The following PRKCH variants were observed in gnomAD, a reference collection of about 807,000 sequenced individuals.
PRKCH encodes protein kinase C eta type.
PRKCH carries 28 observed loss-of-function variants against 82.5 expected under a neutral mutation model. The ratio of observed to expected loss-of-function variants is 0.34; its 90% CI spans 0.25 to 0.47. PRKCH has a LOEUF of 0.47. Among genes scored for constraint, PRKCH ranks in the 20% least tolerant of loss-of-function variants. The probability of loss-of-function intolerance (pLI) is 1.00; values close to 1 mark genes in which losing one functional copy is unlikely to be tolerated. For missense variants in PRKCH, 705 were observed against 881.8 expected (o/e 0.80, Z 2.54); for synonymous variants, 322 against 327.4 (o/e 0.98, Z 0.18).
intron 2 of PRKCH, among the ~76,000 whole-genome samples, chr14:61,432,851 G>T (rs1883472933): frequency 6.6e-6 from 1 of 151,350 alleles, no homozygotes; most frequent in Non-Finnish European, 1.5e-5. Flanking sequence ...TGAGATAATA[G>T]GCGTGAGCCA....
intron 1 of PRKCH, among the ~76,000 whole-genome samples, chr14:61,200,726 G>A (rs2044474924): frequency 1.3e-5 from 2 of 152,108 alleles, no homozygotes; most frequent in Admixed American, 1.3e-4. Flanking sequence ...GAGAGAGAGA[G>A]AGACTATATT....
At chr14:61,333,765 A>G (rs927889801) in intron 1 of PRKCH, among the ~76,000 whole-genome samples, 3 of 152,156 alleles carry the variant, frequency 2.0e-5, no homozygotes, top group Non-Finnish European at 4.4e-5. Flanking sequence ...GTTAATATAA[A>G]CTTTTCCCTT....
At chr14:61,278,397 T>C (rs2045223328) in intron 1 of PRKCH, 1 of 152,236 alleles carries the variant, frequency 6.6e-6, no homozygotes, top group African/African-American at 2.4e-5. Context: ...ATAGAATCTC[T>C]CGAATCAGGA....
At chr14:61,528,433 A>G (rs1034049309) in intron 10 of PRKCH, among the ~76,000 whole-genome samples, 8 of 152,170 alleles carry the variant, frequency 5.3e-5, no homozygotes, top group African/African-American at 1.7e-4. Flanking sequence ...AACTCAAGCA[A>G]TCTGCCTGCC....
chr14:61,331,133 A>C (rs1359494499), intron 1 of PRKCH, among the ~76,000 whole-genome samples: 1 of 152,026 alleles, frequency 6.6e-6, no homozygotes, highest in African/African-American at 2.4e-5. Context: ...TATCTATCTA[A>C]TCTATATCTA....
chr14:61,502,071 T>TTTC (rs1886939711), intron 10 of PRKCH, among the ~76,000 whole-genome samples: 1 of 140,180 alleles, frequency 7.1e-6, no homozygotes, highest in African/African-American at 2.6e-5. Context: ...TTTTCTTTTT[T>TTTC]TTTTTTTTTT....
rs73314604 is a variant in PRKCH, at chr14:61,386,551, A to G, written c.364-4674A>G. On this transcript the variant is annotated intron_variant, in intron 1 of 13. Transcript: ENST00000332981. ...AGGAGCTGGGCTTCTGGCGTGGCCT[A>G]CTGGGTAAATACAGGGCTCAGGAGT... 1.8e-3 allele frequency among the ~76,000 whole-genome samples: 277 copies of G among 152,266 alleles called. 1 individual carries two copies. The highest frequency in any genetic ancestry group is 6.4e-3 in the African/African-American group (267 of 41,552).
At chr14:61,198,806 T>G (rs2140037071) in intron 1 of PRKCH, among the ~76,000 whole-genome samples, 1 of 152,284 alleles carries the variant, frequency 6.6e-6, no homozygotes, top group South Asian at 2.1e-4. Context: ...ATGGGCAGGA[T>G]GTAAGGAAAC....
At chr14:61,451,902 T>G (rs1319058764) in intron 6 of PRKCH, among the ~76,000 whole-genome samples, 1 of 152,234 alleles carries the variant, frequency 6.6e-6, no homozygotes, top group South Asian at 2.1e-4. Context: ...CTTCTATCTC[T>G]GTAGAACACT....
chr14:61,490,113 C>A (rs1460740087), intron 10 of PRKCH, among the ~76,000 whole-genome samples: 2 of 152,168 alleles, frequency 1.3e-5, no homozygotes, highest in African/African-American at 4.8e-5. Flanking sequence ...CAGCTGTTGG[C>A]ATGCTGGGTG....
rs2140091827 is a variant in PRKCH at position 61,280,155 on chromosome 14, G to A, written c.-19+92487G>A. The A allele has an allele frequency of 1.2e-6, 2 of 1,614,082 alleles. No homozygotes were observed. The highest frequency in any genetic ancestry group is 1.7e-5 in the Admixed American group (1 of 60,008). On this transcript the variant is annotated intron_variant, in intron 1 of 3. Transcript: ENST00000555185. This position sits in a 1 kb window ranked among gnomAD's most constrained non-coding sequence, Gnocchi z 5.0. ...TGTAGACGACCAGCATGACAAAGCC[G>A]GTGAGGATGCAGAGGGAGCCGACGA...
rs80003293 is a variant in PRKCH at position 61,461,942 on chromosome 14, G to A, written c.1278+4263G>A. ...AAGTTTTATGTTTGACCACAAGGTG[G>A]CAGTCATTACCGCAAAGTTACTTTT... On this transcript the variant is annotated intron_variant, in intron 9 of 13. Transcript: ENST00000332981. 9.2e-3 allele frequency among the ~76,000 whole-genome samples: 1,397 copies of A among 152,342 alleles called. 17 individuals are homozygous for A. The highest frequency in any genetic ancestry group is 0.032 in the African/African-American group (1,329 of 41,570).
chr14:61,426,251 G>T (rs951259081), intron 2 of PRKCH, among the ~76,000 whole-genome samples: 1 of 152,280 alleles, frequency 6.6e-6, no homozygotes, highest in East Asian at 1.9e-4. Flanking sequence ...TTTACATGTC[G>T]CTGCTTGTTC....
intron 10 of PRKCH, among the ~76,000 whole-genome samples, chr14:61,490,548 T>C (rs1886409345): frequency 6.6e-6 from 1 of 152,152 alleles, no homozygotes; most frequent in Non-Finnish European, 1.5e-5. Flanking sequence ...ATAGCCTTGC[T>C]TGGCAAGTGG....
intron 1 of PRKCH, among the ~76,000 whole-genome samples, chr14:61,371,815 A>G (rs969899894): frequency 6.6e-6 from 1 of 152,034 alleles, no homozygotes; most frequent in East Asian, 1.9e-4. Context: ...GTGGAGAATT[A>G]TGCTCTACCT....
intron 1 of PRKCH, among the ~76,000 whole-genome samples, chr14:61,369,308 C>T (rs1402949997): frequency 6.6e-6 from 1 of 152,048 alleles, no homozygotes; most frequent in South Asian, 2.1e-4. Context: ...GATACTTATG[C>T]TGCTGGTCTT....
intron 1 of PRKCH, among the ~76,000 whole-genome samples, chr14:61,291,416 G>A (rs897443707): frequency 2.9e-5 from 4 of 138,170 alleles, no homozygotes; most frequent in Non-Finnish European, 4.6e-5. Flanking sequence ...TGCAACCTCC[G>A]CCTACCGGGT....
At chr14:61,399,260 TA>T (rs1184587241) in intron 2 of PRKCH, among the ~76,000 whole-genome samples, 1 of 152,192 alleles carries the variant, frequency 6.6e-6, no homozygotes, top group African/African-American at 2.4e-5. Flanking sequence ...ATTAATAAGT[TA>T]AAAAGTAAAA....
chr14:61,272,997 T>G (rs1261234844), intron 1 of PRKCH, among the ~76,000 whole-genome samples: 1 of 152,168 alleles, frequency 6.6e-6, no homozygotes, highest in Admixed American at 6.5e-5. Flanking sequence ...TAACAAAATT[T>G]TATAGCTCCT....
Sources: gnomAD v4.1 joint callset for allele counts (sites outside exome capture counted in the v4.1 genomes callset) on GRCh38, gnomAD v4.1.1 for gene constraint, Gnocchi (gnomAD v3.1) non-coding constraint, MANE v1.5 for transcripts, NCBI Gene and HGNC (gene_info 2026-07-23, HGNC 2026-07-21) for gene names.